Variants in PLEKHA7 observed in about 807,000 individuals in gnomAD.
The protein encoded by PLEKHA7 is pleckstrin homology domain-containing family A member 7.
A neutral mutation model predicts 170.0 loss-of-function variants in PLEKHA7; 104 were observed. That is an observed-to-expected ratio of 0.61 (90% confidence interval 0.52 to 0.72). PLEKHA7 has a LOEUF of 0.72. Among genes scored for constraint, PLEKHA7 ranks in the 30% least tolerant of loss-of-function variants. The pLI is 0.00. For missense variants in PLEKHA7, 1,615 were observed against 1,671.7 expected (o/e 0.97, Z 0.59); for synonymous variants, 648 against 660.8 (o/e 0.98, Z 0.30).
chr11:16,929,513 C>T (rs553843012), intron 3 of PLEKHA7, among the ~76,000 whole-genome samples: 1 of 152,370 alleles, frequency 6.6e-6, no homozygotes, highest in East Asian at 1.9e-4. Context: ...ACCAAGCACA[C>T]AGGCAAGAAT....
intron 3 of PLEKHA7, among the ~76,000 whole-genome samples, chr11:16,885,258 T>G (rs372726207): frequency 8.7e-5 from 13 of 149,412 alleles, no homozygotes; most frequent in Admixed American, 2.0e-4. Context: ...TGAAATCAGG[T>G]GGCAGAGGTT....
At chr11:16,962,764 A>G (rs1335616159) in intron 3 of PLEKHA7, among the ~76,000 whole-genome samples, 1 of 152,178 alleles carries the variant, frequency 6.6e-6, no homozygotes, top group Non-Finnish European at 1.5e-5. Context: ...CCTGGCCCAC[A>G]AGCACCTTGA....
intron 3 of PLEKHA7, among the ~76,000 whole-genome samples, chr11:16,873,631 C>T (rs574433867): frequency 6.6e-6 from 1 of 152,352 alleles, no homozygotes; most frequent in South Asian, 2.1e-4. Context: ...AAAATCCTTG[C>T]ACCACGTTCA....
intron 3 of PLEKHA7, among the ~76,000 whole-genome samples, chr11:16,889,283 G>A (rs7102756): frequency 0.013 from 1,910 of 149,956 alleles, 35 homozygotes; most frequent in African/African-American, 0.042. Context: ...ATCTTTTACC[G>A]TAATTTTCCA....
chr11:16,799,573 A>T (rs912263632), intron 17 of PLEKHA7, among the ~76,000 whole-genome samples: 8 of 152,380 alleles, frequency 5.3e-5, no homozygotes, highest in Middle Eastern at 3.4e-3. Flanking sequence ...AAAGCAAAAA[A>T]AAATTACTGC....
intron 26 of PLEKHA7, chr11:16,780,962 G>A (rs963311960): frequency 1.0e-6 from 1 of 985,342 alleles, no homozygotes; most frequent in Non-Finnish European, 1.2e-6. Flanking sequence ...TTAGACAAAG[G>A]TGTAGTGGAG....
chr11:16,878,180 A>G (rs930599017), intron 3 of PLEKHA7, among the ~76,000 whole-genome samples: 3 of 152,146 alleles, frequency 2.0e-5, no homozygotes, highest in African/African-American at 7.2e-5. Flanking sequence ...TCTACGAAAT[A>G]TACGTTGAAT....
At chr11:16,964,874 A>G (rs941509850) in intron 3 of PLEKHA7, among the ~76,000 whole-genome samples, 2 of 152,162 alleles carry the variant, frequency 1.3e-5, no homozygotes, top group Non-Finnish European at 2.9e-5. Flanking sequence ...ACACCTATTC[A>G]GGTTTATTTT....
At chr11:16,816,125 G>A in intron 12 of PLEKHA7, 53 bp downstream of exon 12, 1 of 1,460,474 alleles carries the variant, frequency 6.8e-7, no homozygotes, top group African/African-American at 1.4e-5. Context: ...TCAGAGGAAG[G>A]AAAATGTTGA....
intron 3 of PLEKHA7, among the ~76,000 whole-genome samples, chr11:16,944,685 G>A (rs1412459359): frequency 1.3e-5 from 2 of 152,112 alleles, no homozygotes; most frequent in Non-Finnish European, 2.9e-5. Context: ...TAACAGACAG[G>A]TTAGTAAGAC....
intron 3 of PLEKHA7, among the ~76,000 whole-genome samples, chr11:16,892,962 A>C (rs1856763279): frequency 6.6e-6 from 1 of 152,178 alleles, no homozygotes. Context: ...ACATAGTGGA[A>C]GGTGTAAACA....
intron 3 of PLEKHA7, among the ~76,000 whole-genome samples, chr11:16,993,488 G>A (rs1864165967): frequency 6.6e-6 from 1 of 152,084 alleles, no homozygotes; most frequent in South Asian, 2.1e-4. Context: ...CTCCTTGCTG[G>A]CAGAGTCATT....
Position 16,946,152 on chromosome 11 carries a change from C to T in PLEKHA7, c.221+67837G>A, listed in dbSNP as rs181290998. 6.4e-4 allele frequency among the ~76,000 whole-genome samples: 97 copies of T among 152,314 alleles called. No individual in the cohort carries two copies. The East Asian group carries it at 0.019, about 29-fold the overall frequency. ...CCCATGATCTTTCCCCGTCTGGGTGCTTCTGCTTCTAGCTCCTGGGCTCTT... is the reference window on the plus strand; with the variant it reads ...CCCATGATCTTTCCCCGTCTGGGTGTTTCTGCTTCTAGCTCCTGGGCTCTT... On this transcript the variant is annotated intron_variant, in intron 3 of 26. Coordinates refer to ENST00000531066, the MANE Select transcript of PLEKHA7 (RefSeq NM_001329630.2).
intron 3 of PLEKHA7, among the ~76,000 whole-genome samples, chr11:16,924,877 C>A (rs1859388416): frequency 6.6e-6 from 1 of 152,200 alleles, no homozygotes; most frequent in African/African-American, 2.4e-5. Flanking sequence ...GTAATGGCAC[C>A]GGAGTCCCAG....
chr11:17,009,401 T>C (rs530145085), intron 3 of PLEKHA7, among the ~76,000 whole-genome samples: 7 of 152,204 alleles, frequency 4.6e-5, no homozygotes, highest in Admixed American at 6.5e-5. Flanking sequence ...ACGAAACTAG[T>C]AGTAGTTCCT....
chr11:16,864,327 A>G lies in PLEKHA7; in HGVS notation c.305+6772T>C, dbSNP rs146397818. ...CTTAGAAAAGTACCTGCTAATAGTA[A>G]GGGTGCTAAGTGTTAGCTATAAAAA... On this transcript the variant is annotated intron_variant, in intron 4 of 26. Transcript: ENST00000531066. Among the ~76,000 whole-genome samples the G allele has an allele frequency of 1.8e-4, 27 of 152,316 alleles. No individual in the cohort carries two copies. The East Asian group carries it at 4.0e-3, about 23-fold the overall frequency.
chr11:16,794,863 C>T (rs761654386), intron 18 of PLEKHA7, 47 bp downstream of exon 18: 3 of 1,539,410 alleles, frequency 1.9e-6, no homozygotes, highest in Non-Finnish European at 2.7e-6. Flanking sequence ...CTCCCACCAC[C>T]CTGCCCCCAA....
chr11:16,797,776 G>C (rs1848335043), intron 17 of PLEKHA7, among the ~76,000 whole-genome samples: 1 of 152,200 alleles, frequency 6.6e-6, no homozygotes. Context: ...AACAGGTAAA[G>C]AAAGGGATTA....
chr11:16,982,780 TACACACAC>T (rs35725815), intron 3 of PLEKHA7, among the ~76,000 whole-genome samples: 1 of 144,026 alleles, frequency 6.9e-6, no homozygotes. Context: ...CACTATCCCC[TACACACAC>T]ACACACACAC....
Sources: gnomAD v4.1 joint callset for allele counts (sites outside exome capture counted in the v4.1 genomes callset) on GRCh38, gnomAD v4.1.1 for gene constraint, MANE v1.5 for transcripts, NCBI Gene and HGNC (gene_info 2026-07-23, HGNC 2026-07-21) for gene names.